The following ABCB1 variants were observed in gnomAD, a reference collection of about 807,000 sequenced individuals.
ABCB1 encodes ATP-dependent translocase ABCB1.
ABCB1 carries 69 observed loss-of-function variants against 142.0 expected under a neutral mutation model. The observed-to-expected ratio is 0.49, with a 90% CI of 0.40 to 0.59. The LOEUF is 0.59. ABCB1 is among the 20% of genes least tolerant of loss of function. The pLI, the probability that ABCB1 is intolerant of heterozygous loss-of-function variation, is 0.00. For missense variants in ABCB1, 1,326 were observed against 1,554.7 expected (o/e 0.85, Z 2.47); for synonymous variants, 532 against 539.2 (o/e 0.99, Z 0.18).
chr7:87,591,023 A>G (rs936697324), intron 3 of ABCB1, among the ~76,000 whole-genome samples: 4 of 152,174 alleles, frequency 2.6e-5, no homozygotes, highest in African/African-American at 9.7e-5. Context: ...TTACATGATA[A>G]AAGGGACTTT....
At chr7:87,587,694 A>G (rs1400307981) in intron 3 of ABCB1, among the ~76,000 whole-genome samples, 2 of 151,898 alleles carry the variant, frequency 1.3e-5, no homozygotes, top group Non-Finnish European at 2.9e-5. Context: ...ACACAGTGAA[A>G]CCCCGTCTCT....
chr7:87,504,404 T>C lies in ABCB1; in HGVS notation c.3682A>G (p.Ile1228Val), dbSNP rs199912437. The change falls in exon 28 of 28, where the codon ATT becomes GTT. Residue 1228 changes from isoleucine (I) to valine (V), a missense_variant. Ile to Val is a conservative substitution (Grantham distance 29). Transcript: ENST00000622132. Reference sequence around the variant, plus strand: ...GTGGACAGGCGGTGAGCAATCACAATGCAGGTGCGGCCTTCTCTGGCTTTG... The same window carrying C: ...GTGGACAGGCGGTGAGCAATCACAACGCAGGTGCGGCCTTCTCTGGCTTTG... The part of the protein sequence containing the change: ...LDKAREGRTC[I>V]VIAHRLSTIQ... 6 of 1,614,136 alleles carry C rather than the reference T, an allele frequency of 3.7e-6. No homozygotes were observed. Among genetic ancestry groups the C allele is most frequent in the Non-Finnish European group, 5.1e-6 (6 of 1,179,972 alleles).
chr7:87,610,931 T>A (rs554445708), intron 1 of ABCB1, among the ~76,000 whole-genome samples: 1 of 152,292 alleles, frequency 6.6e-6, no homozygotes, highest in Admixed American at 6.5e-5. Context: ...ACTCTCTATA[T>A]CCAATTTGAA....
Position 87,541,394 on chromosome 7 carries a change from G to C in ABCB1, c.2282C>G (p.Ala761Gly). The change falls in exon 18 of 28, where the codon GCC becomes GGC. Residue 761 changes from alanine to glycine, a missense_variant. Ala to Gly is a moderately conservative substitution (Grantham distance 60). Transcript: ENST00000622132. Reference protein sequence around the residue: ...NSNLFSLLFLALGIISFITFF... With the variant: ...NSNLFSLLFLGLGIISFITFF... ...TGTAATAAAAGAAATAATTCCAAGG[G>C]CTAGAAACAATAGTGAAAACAAGTT... 6.2e-7 allele frequency: 1 copy of C among 1,604,802 alleles called. No homozygotes were observed. Among genetic ancestry groups the C allele is most frequent in the Non-Finnish European group, 8.5e-7 (1 of 1,171,652 alleles).
chr7:87,666,232 A>G (rs1023711543), intron 1 of ABCB1, among the ~76,000 whole-genome samples: 1 of 152,118 alleles, frequency 6.6e-6, no homozygotes, highest in African/African-American at 2.4e-5. Context: ...CATTTTTCTA[A>G]TGATCAGTGA....
At position 87,628,584 on chromosome 7, in the gene ABCB1, C is replaced by CGTGTGTGT. The variant is rs71117546; in HGVS notation, c.-330-27514_-330-27507dup. The stretch of plus-strand genomic sequence containing the variant: ...CGAGGGCGGAGGTGGTGCGTGCGTG[C>CGTGTGTGT]GTGTGTGTGTGTGTGTGTGTGTGTG... On this transcript the variant is annotated intron_variant, in intron 1 of 28. Transcript: ENST00000265724. 2.4e-3 allele frequency: 706 copies of CGTGTGTGT among 290,688 alleles called. 1 individual carries two copies. Among genetic ancestry groups the CGTGTGTGT allele is most frequent in the African/African-American group, 3.0e-3 (126 of 41,760 alleles). The allele number at this position is 290,688 out of a possible 1,614,324, so 18.0% of individuals were successfully genotyped here.
intron 1 of ABCB1, among the ~76,000 whole-genome samples, chr7:87,645,206 T>C (rs113000164): frequency 0.026 from 3,913 of 151,726 alleles, 167 homozygotes; most frequent in African/African-American, 0.089. Flanking sequence ...CCTCAGCCTC[T>C]TGAGTAGCTG....
At chr7:87,678,861 A>G (rs991871428) in intron 1 of ABCB1, among the ~76,000 whole-genome samples, 2 of 152,222 alleles carry the variant, frequency 1.3e-5, no homozygotes, top group Admixed American at 6.5e-5. Context: ...AAAGCAGATT[A>G]ATTTGCCAAG....
At chr7:87,542,217 A>G (rs1816570937) in intron 17 of ABCB1, among the ~76,000 whole-genome samples, 1 of 152,226 alleles carries the variant, frequency 6.6e-6, no homozygotes, top group African/African-American at 2.4e-5. Context: ...AGGATTTTTG[A>G]AGAGATTAAA....
At chr7:87,615,146 ATTC>A (rs1415119269) in intron 1 of ABCB1, among the ~76,000 whole-genome samples, 3 of 151,996 alleles carry the variant, frequency 2.0e-5, no homozygotes, top group Admixed American at 1.3e-4. Flanking sequence ...CTTGCCTTTT[ATTC>A]TTATTGCATT....
At chr7:87,542,143 A>G (rs1477317971) in intron 17 of ABCB1, among the ~76,000 whole-genome samples, 1 of 152,190 alleles carries the variant, frequency 6.6e-6, no homozygotes, top group African/African-American at 2.4e-5. Context: ...AGATAGTAAC[A>G]TTCCTAGCCC....
At chr7:87,628,944 A>T (rs772737318) in intron 1 of ABCB1, 2 of 1,309,572 alleles carry the variant, frequency 1.5e-6, no homozygotes, top group Non-Finnish European at 2.0e-6. Context: ...CACCGTGTGC[A>T]GGTACGGCAG....
intron 4 of ABCB1, 75 bp from the exon 5 acceptor site, chr7:87,570,298 C>T (rs975307978): frequency 2.7e-5 from 36 of 1,332,662 alleles, no homozygotes; most frequent in East Asian, 1.8e-4. Context: ...AAAAATGAAT[C>T]AAACTCATTT....
In ABCB1 at chr7:87,567,049, A is replaced by T. The variant is rs1287515252; in HGVS notation, c.339-73T>A. The T allele has an allele frequency of 2.1e-6, 3 of 1,441,990 alleles. No homozygotes were observed. In the East Asian group the frequency reaches 6.9e-5, roughly 33 times the overall value. The allele number at this position is 1,441,990 out of a possible 1,614,324, so 89.3% of individuals were successfully genotyped here. A position where few individuals can be genotyped will look rare whatever the true frequency, so the allele number is the denominator to read the frequency against. ...TGTACCTTTTCCAAAGAGACCACTC[A>T]TTCCTATTTTTTCACTTATCTGGGT... On this transcript the variant is annotated intron_variant, in intron 5 of 27. Coordinates refer to ENST00000622132, the MANE Select transcript of ABCB1 (RefSeq NM_001348946.2).
At chr7:87,685,651 A>G (rs1406464258) in intron 1 of ABCB1, among the ~76,000 whole-genome samples, 1 of 152,220 alleles carries the variant, frequency 6.6e-6, no homozygotes, top group Non-Finnish European at 1.5e-5. Context: ...CAGAGAACAG[A>G]TAAGTGGTAC....
chr7:87,505,715 T>C (rs973162099), intron 27 of ABCB1, among the ~76,000 whole-genome samples, 182 bp downstream of exon 27: 3 of 152,148 alleles, frequency 2.0e-5, no homozygotes, highest in Non-Finnish European at 4.4e-5. Flanking sequence ...GCTCTAAGAC[T>C]AATCTGCCTT....
At chr7:87,619,143 A>G (rs1820130086) in intron 1 of ABCB1, among the ~76,000 whole-genome samples, 1 of 152,226 alleles carries the variant, frequency 6.6e-6, no homozygotes, top group Non-Finnish European at 1.5e-5. Flanking sequence ...CAACAATAGA[A>G]AACTAATATA....
At chr7:87,614,111 A>G (rs1819951530) in intron 1 of ABCB1, among the ~76,000 whole-genome samples, 1 of 152,098 alleles carries the variant, frequency 6.6e-6, no homozygotes, top group African/African-American at 2.4e-5. Flanking sequence ...AATAATTATA[A>G]TATGATGAGT....
intron 7 of ABCB1, among the ~76,000 whole-genome samples, chr7:87,562,748 T>G (rs1817613546): frequency 6.9e-6 from 1 of 145,538 alleles, no homozygotes; most frequent in African/African-American, 2.6e-5. Flanking sequence ...TTTCAGGAGA[T>G]CATGTCTGTG....
Sources: allele counts gnomAD v4.1 joint callset (sites outside exome capture counted in the v4.1 genomes callset), GRCh38; gene constraint gnomAD v4.1.1; transcripts MANE v1.5; gene names NCBI Gene and HGNC (gene_info 2026-07-23, HGNC 2026-07-21).